Variants in SLC43A1 observed in about 807,000 individuals in gnomAD.
SLC43A1 encodes the protein large neutral amino acids transporter small subunit 3.
SLC43A1 carries 31 observed loss-of-function variants against 59.5 expected under a neutral mutation model. The ratio of observed to expected loss-of-function variants is 0.52; its 90% CI spans 0.39 to 0.70. SLC43A1 has a LOEUF of 0.70. Among genes scored for constraint, SLC43A1 ranks in the 30% least tolerant of loss-of-function variants. SLC43A1 has a pLI of 0.00. For missense variants in SLC43A1, 598 were observed against 717.8 expected, an observed-to-expected ratio of 0.83 and a Z score of 1.91; for synonymous variants, 259 against 290.9, an observed-to-expected ratio of 0.89 and a Z score of 1.12.
chr11:57,484,924 GT>G lies in SLC43A1; in HGVS notation c.*171del, dbSNP rs372610932. 157 of 805,262 alleles carry G rather than the reference GT, an allele frequency of 1.9e-4. No individual in the cohort carries two copies. Among genetic ancestry groups the G allele is most frequent in the Middle Eastern group, 1.2e-3 (3 of 2,572 alleles). 49.9% of individuals were successfully genotyped at this position (805,262 alleles called of 1,614,324 possible). A position where few individuals can be genotyped will look rare whatever the true frequency, so the allele number is the denominator to read the frequency against. ...GTTGACTTAGGGGGCGTTTTTGAAG[GT>G]TTTTTTTCCTCCTTTTTGCAGTCTT... is the stretch of plus-strand genomic sequence containing the variant. On this transcript the variant is annotated 3_prime_UTR_variant, in exon 15 of 15. Coordinates refer to ENST00000278426, the MANE Select transcript of SLC43A1 (RefSeq NM_003627.6).
intron 2 of SLC43A1, among the ~76,000 whole-genome samples, chr11:57,502,969 T>C (rs1271985756): frequency 7.4e-5 from 11 of 147,972 alleles, no homozygotes; most frequent in Non-Finnish European, 3.0e-5. Context: ...TACTAGGGGG[T>C]GGTAGAGGAC....
intron 2 of SLC43A1, among the ~76,000 whole-genome samples, chr11:57,505,593 G>A (rs1944375761): frequency 6.6e-6 from 1 of 152,104 alleles, no homozygotes; most frequent in Admixed American, 6.6e-5. Flanking sequence ...AAACATACAT[G>A]TATATGTATA....
rs376053961 is a variant in SLC43A1, at chr11:57,501,303, C to T, written c.181G>A (p.Asp61Asn). Residue 61 changes from aspartate (D) to asparagine (N), a missense_variant, in exon 3 of 15, where the codon GAT (aspartate) becomes AAT (asparagine). Transcript: ENST00000278426. ...CAGCCTGGCCACCTGCGCTGCTCAT[C>T]CTGGGTGGTGTTGGTGCTGCTCTCA... The part of the protein sequence containing the change: ...PAESSTNTTQ[D>N]EQRRWPGCDQ... 6.2e-7 allele frequency: 1 copy of T among 1,610,928 alleles called. No individual in the cohort carries two copies. Among genetic ancestry groups the T allele is most frequent in the Non-Finnish European group, 8.5e-7 (1 of 1,179,994 alleles).
rs761833502 is a variant in SLC43A1, at chr11:57,497,784, G to T, written c.527C>A (p.Ala176Asp). The stretch of plus-strand genomic sequence containing the variant: ...TCCTGGGAACGTAATGGCAGAAGAG[G>T]CGTAAGAGCCAATCATGAGGGCCAT... ...TLMALMIGSY[A>D]SSAITFPGIK... Residue 176 changes from alanine to aspartate, a missense_variant, in exon 6 of 15, where the codon GCC (alanine) becomes GAC (aspartate). Coordinates refer to ENST00000278426, the MANE Select transcript of SLC43A1 (RefSeq NM_003627.6). 44 of 1,613,656 alleles carry T rather than the reference G, an allele frequency of 2.7e-5. 1 individual carries two copies. The highest frequency in any genetic ancestry group is 3.6e-5 in the Non-Finnish European group (43 of 1,179,858).
intron 2 of SLC43A1, among the ~76,000 whole-genome samples, chr11:57,509,608 A>AGGAAGGAAGGAG (rs1944475962): frequency 1.7e-5 from 2 of 119,398 alleles, no homozygotes; most frequent in Non-Finnish European, 3.6e-5. Flanking sequence ...GAAGGAAGGA[A>AGGAAGGAAGGAG]GGAAGGAAGG....
At position 57,500,997 on chromosome 11, in the gene SLC43A1, C is replaced by A; in HGVS notation, c.379G>T (p.Asp127Tyr). 1 of 1,599,322 alleles carries A rather than the reference C, an allele frequency of 6.3e-7. No individual in the cohort carries two copies. Among genetic ancestry groups the A allele is most frequent in the Non-Finnish European group, 8.5e-7 (1 of 1,172,674 alleles). Reference sequence around the variant, plus strand: ...AGGACAGACAACTCACCTTCCACGTCCCGGGAGGCCAGGGCCATGAGGGTG... The same window carrying A: ...AGGACAGACAACTCACCTTCCACGTACCGGGAGGCCAGGGCCATGAGGGTG... The part of the protein sequence containing the change: ...SCTLMALASR[D>Y]VEALSPLIFL... Residue 127 changes from aspartate to tyrosine, a missense_variant, in exon 4 of 15, where the codon GAC becomes TAC. Asp to Tyr is a radical substitution (Grantham distance 160, BLOSUM62 -3). Coordinates refer to ENST00000278426, the MANE Select transcript of SLC43A1 (RefSeq NM_003627.6).
In SLC43A1 at chr11:57,513,943, C is replaced by CCCCAATTA; in HGVS notation, c.154+14_154+15insTAATTGGG. The stretch of plus-strand genomic sequence containing the variant: ...ATCCCTCCCCCCAGCCCACCCAGCC[C>CCCCAATTA]ATTTTCAGGCATACCTGGGCACGTG... On this transcript the variant is annotated intron_variant, in intron 2 of 14. Coordinates refer to ENST00000278426, the MANE Select transcript of SLC43A1 (RefSeq NM_003627.6). The CCCCAATTA allele has an allele frequency of 2.7e-6, 4 of 1,454,678 alleles. No homozygotes were observed. Among genetic ancestry groups the CCCCAATTA allele is most frequent in the Non-Finnish European group, 2.9e-6 (3 of 1,051,330 alleles). 90.1% of individuals were successfully genotyped at this position (1,454,678 alleles called of 1,614,324 possible).
intron 8 of SLC43A1, 95 bp downstream of exon 8, chr11:57,493,898 A>T: frequency 8.1e-7 from 1 of 1,227,166 alleles, no homozygotes. Context: ...AGGACTGAAG[A>T]GGGGTGCGAA....
intron 14 of SLC43A1, among the ~76,000 whole-genome samples, chr11:57,486,116 T>G (rs1322729157): frequency 1.3e-5 from 2 of 152,208 alleles, no homozygotes; most frequent in East Asian, 3.9e-4. Flanking sequence ...AGAACTGGAT[T>G]GGACCAATGG....
At chr11:57,498,073 ATT>A (rs1413424886) in intron 5 of SLC43A1, among the ~76,000 whole-genome samples, 1 of 152,160 alleles carries the variant, frequency 6.6e-6, no homozygotes, top group Non-Finnish European at 1.5e-5. Flanking sequence ...CATTTTGTTA[ATT>A]TTGTTTAATT....
intron 8 of SLC43A1, among the ~76,000 whole-genome samples, chr11:57,493,296 C>A (rs1216088571): frequency 6.6e-6 from 1 of 152,110 alleles, no homozygotes; most frequent in Non-Finnish European, 1.5e-5. Flanking sequence ...GGGTAACCAC[C>A]CTCAAACTGC....
intron 11 of SLC43A1, among the ~76,000 whole-genome samples, chr11:57,490,464 T>C (rs983632357): frequency 2.0e-5 from 3 of 152,206 alleles, no homozygotes. Flanking sequence ...GAAGTGATGG[T>C]ATGCTACGTC....
chr11:57,510,457 C>CAAA lies in SLC43A1; in HGVS notation c.154+3498_154+3500dup, dbSNP rs61412196. ...TAGGCAACAGAGTGAGACTCCATCT[C>CAAA]AAAAAAAAAAAAAAAAAAAAAAAAA... On this transcript the variant is annotated intron_variant, in intron 2 of 14. Transcript: ENST00000278426. 7.3e-3 allele frequency among the ~76,000 whole-genome samples: 188 copies of CAAA among 25,768 alleles called. 20 individuals carry two copies. Among genetic ancestry groups the CAAA allele is most frequent in the African/African-American group, 0.018 (117 of 6,392 alleles). 16.9% of individuals were successfully genotyped at this position (25,768 alleles called of 152,430 possible). A position where few individuals can be genotyped will look rare whatever the true frequency, so the allele number is the denominator to read the frequency against.
chr11:57,499,798 G>A (rs1237307429), intron 5 of SLC43A1: 3 of 152,488 alleles, frequency 2.0e-5, no homozygotes. Context: ...GGAGCCGCTG[G>A]ACAAGCCCCA....
intron 2 of SLC43A1, among the ~76,000 whole-genome samples, chr11:57,501,710 A>T (rs1175824915): frequency 6.6e-6 from 1 of 152,238 alleles, no homozygotes; most frequent in Non-Finnish European, 1.5e-5. Flanking sequence ...ACAAGAATTC[A>T]TTAAAATGGC....
rs930062328 is a variant in SLC43A1, at chr11:57,514,296, T to C, written c.-13-172A>G. The C allele has an allele frequency of 4.4e-5, 31 of 705,470 alleles. No homozygotes were observed. The highest frequency in any genetic ancestry group is 4.3e-4 in the South Asian group (22 of 51,274). 43.7% of individuals were successfully genotyped at this position (705,470 alleles called of 1,614,324 possible). On this transcript the variant is annotated intron_variant, in intron 1 of 14. Transcript: ENST00000278426. This position sits in a 1 kb window ranked among gnomAD's most constrained non-coding sequence, Gnocchi z 5.5. ...GCCAAGGAGCTGGCTCCGCGCGCAC[T>C]AGCAGTGCCAGAGGTGCACGCGGCA... is the stretch of plus-strand genomic sequence containing the variant.
At chr11:57,492,536 G>GTATGTATATATATA (rs1943949036) in intron 8 of SLC43A1, among the ~76,000 whole-genome samples, 1 of 79,862 alleles carries the variant, frequency 1.3e-5, no homozygotes, top group African/African-American at 5.6e-5. Flanking sequence ...ATAATTTTGT[G>GTATGTATATATATA]TATATATATA....
Position 57,514,202 on chromosome 11 carries a change from G to C in SLC43A1, c.-13-78C>G, listed in dbSNP as rs1418554869. On this transcript the variant is annotated intron_variant, in intron 1 of 14. Coordinates refer to ENST00000278426, the MANE Select transcript of SLC43A1 (RefSeq NM_003627.6). The surrounding 1 kb of genome is among the most constrained non-coding windows in gnomAD (Gnocchi z 5.5). The stretch of plus-strand genomic sequence containing the variant: ...GGTCCTGCATCATGGTGGCACCCGA[G>C]ACCTCTCGGGCCAGCCCGCGAGGAG... The C allele has an allele frequency of 2.1e-6, 3 of 1,447,690 alleles. No individual in the cohort carries two copies. The highest frequency in any genetic ancestry group is 2.7e-6 in the Non-Finnish European group (3 of 1,104,020). 89.7% of individuals were successfully genotyped at this position (1,447,690 alleles called of 1,614,324 possible).
At position 57,514,022 on chromosome 11, in the gene SLC43A1, G is replaced by C. The variant is rs749423988; in HGVS notation, c.90C>G (p.Leu30=). ...VLENLFFSAV[L]LGWGSLLIIL... ...TGATCAACAGGGAGCCCCAGCCCAGGAGTACAGCAGAGAAGAAGAGGTTCT... is the reference window on the plus strand; with the variant it reads ...TGATCAACAGGGAGCCCCAGCCCAGCAGTACAGCAGAGAAGAAGAGGTTCT... The change falls in exon 2 of 15, where the codon CTC becomes CTG. Residue 30 remains leucine (L), a synonymous_variant. Transcript: ENST00000278426. The surrounding 1 kb of genome is among the most constrained non-coding windows in gnomAD (Gnocchi z 5.5). The C allele has an allele frequency of 1.2e-6, 2 of 1,608,034 alleles. No homozygotes were observed. The highest frequency in any genetic ancestry group is 1.7e-6 in the Non-Finnish European group (2 of 1,177,226).
Sources: gnomAD v4.1 joint callset for allele counts (sites outside exome capture counted in the v4.1 genomes callset) on GRCh38, gnomAD v4.1.1 for gene constraint, Gnocchi (gnomAD v3.1) non-coding constraint, MANE v1.5 for transcripts, NCBI Gene and HGNC (gene_info 2026-07-23, HGNC 2026-07-21) for gene names.